The following NR4A1 variants were observed in gnomAD, a reference collection of about 807,000 sequenced individuals.
NR4A1 encodes the protein nuclear receptor subfamily 4 group A member 1, also known as nuclear receptor subfamily 4immunitygroup A member 1.
A neutral mutation model predicts 47.5 loss-of-function variants in NR4A1; 24 were observed. The ratio of observed to expected loss-of-function variants is 0.50; its 90% confidence interval spans 0.37 to 0.71. The LOEUF is 0.71. Among genes scored for constraint, NR4A1 ranks in the 30% least tolerant of loss-of-function variants. NR4A1 has a pLI of 0.00. For missense variants in NR4A1, 669 were observed against 788.6 expected (o/e 0.85, Z 1.82); for synonymous variants, 353 against 345.7 (o/e 1.02, Z -0.24).
chr12:52,042,239 C>T (rs535566176), intron 2 of NR4A1, among the ~76,000 whole-genome samples: 2 of 152,220 alleles, frequency 1.3e-5, no homozygotes, highest in Admixed American at 6.5e-5. Context: ...TGCCTGATTC[C>T]AGGAAGCAGA....
chr12:52,045,830 G>A (rs1400034168), intron 2 of NR4A1, among the ~76,000 whole-genome samples: 1 of 152,220 alleles, frequency 6.6e-6, no homozygotes. Flanking sequence ...GGCCAGGAGA[G>A]CAGAGCCTGG....
At position 52,058,679 on chromosome 12, in the gene NR4A1, T is replaced by A. The variant is rs1410184138; in HGVS notation, c.1541-9T>A. 1 of 1,590,988 alleles carries A rather than the reference T, an allele frequency of 6.3e-7. No individual in the cohort carries two copies. The highest frequency in any genetic ancestry group is 2.3e-5 in the East Asian group (1 of 43,568). ...CAGATGTACAGCTAATCCTGTACCC[T>A]TCCCGCAGACCGGCATGGGCTGCAG... On this transcript the variant is annotated splice_polypyrimidine_tract_variant and intron_variant, in intron 6 of 6. Coordinates refer to ENST00000394825, the MANE Select transcript of NR4A1 (RefSeq NM_173157.3).
chr12:52,025,424 C>T (rs1485017414), intron 1 of NR4A1, among the ~76,000 whole-genome samples: 9 of 152,092 alleles, frequency 5.9e-5, no homozygotes, highest in Non-Finnish European at 1.5e-5. Context: ...AGACTTTCCC[C>T]ATCTCAGCGC....
chr12:52,056,434 T>C (rs1401880720), intron 3 of NR4A1, 60 bp from the exon 4 acceptor site: 12 of 1,587,024 alleles, frequency 7.6e-6, no homozygotes, highest in Admixed American at 1.9e-5. Context: ...GTGCACGGCT[T>C]GGGCTGAGAG....
At chr12:52,050,496 A>T (rs918406999), upstream of NR4A1, among the ~76,000 whole-genome samples, 1 of 152,256 alleles carries the variant, frequency 6.6e-6, no homozygotes, top group Non-Finnish European at 1.5e-5. Context: ...AAGAGTTGGC[A>T]CAAGTTTGAA....
At chr12:52,048,193 G>T (rs1938743264), upstream of NR4A1, among the ~76,000 whole-genome samples, 2 of 151,974 alleles carry the variant, frequency 1.3e-5, no homozygotes, top group South Asian at 4.2e-4. Context: ...GAGCTAGCAA[G>T]GCTGAGATTG....
At chr12:52,055,831 C>G (rs762267119) in intron 2 of NR4A1, 199 bp from the exon 3 acceptor site, 1 of 470,998 alleles carries the variant, frequency 2.1e-6, no homozygotes, top group Non-Finnish European at 3.7e-6. Flanking sequence ...GAAACCTCCC[C>G]CAATGTCTTC....
At chr12:52,031,844 A>G (rs1938134123) in intron 1 of NR4A1, among the ~76,000 whole-genome samples, 1 of 148,726 alleles carries the variant, frequency 6.7e-6, no homozygotes, top group African/African-American at 2.5e-5. Context: ...CAGTGACGCA[A>G]TCTCAGCTCA....
At chr12:52,032,874 AT>A (rs904575447) in intron 1 of NR4A1, among the ~76,000 whole-genome samples, 26 of 152,086 alleles carry the variant, frequency 1.7e-4, no homozygotes, top group African/African-American at 5.6e-4. Context: ...GCTGGAACAG[AT>A]TTGGGATGGC....
upstream of NR4A1, among the ~76,000 whole-genome samples, chr12:52,050,378 G>A (rs749978521): frequency 2.0e-5 from 3 of 152,224 alleles, no homozygotes; most frequent in Non-Finnish European, 4.4e-5. Flanking sequence ...GAGATCCCTA[G>A]AGATGCAGTC....
At chr12:52,035,750 G>A (rs772079482) in intron 1 of NR4A1, among the ~76,000 whole-genome samples, 9 of 152,204 alleles carry the variant, frequency 5.9e-5, no homozygotes, top group Non-Finnish European at 1.0e-4. Flanking sequence ...AAGAATGAGA[G>A]AAAGGGAATT....
rs766651043 is a variant in NR4A1 at position 52,056,058 on chromosome 12, T to A, written c.905T>A (p.Ile302Asn). The A allele has an allele frequency of 1.5e-5, 20 of 1,364,208 alleles. No individual in the cohort carries two copies. The highest frequency in any genetic ancestry group is 1.0e-4 in the South Asian group (9 of 86,538). The allele number at this position is 1,364,208 out of a possible 1,614,324, so 84.5% of individuals were successfully genotyped here. Residue 302 changes from isoleucine (I) to asparagine (N), a missense_variant, in exon 3 of 7, where the codon ATC (isoleucine) becomes AAC (asparagine). By Grantham distance (149) the Ile-to-Asn change is moderately radical. Transcript: ENST00000394825. ...KRTVQKNAKY[I>N]CLANKDCPVD... ...ACAGTGCAGAAAAACGCCAAGTACA[T>A]CTGCCTGGCTAACAAGGACTGCCCT...
intron 1 of NR4A1, among the ~76,000 whole-genome samples, chr12:52,039,181 A>G (rs979092726): frequency 5.3e-5 from 8 of 152,244 alleles, no homozygotes; most frequent in Admixed American, 1.3e-4. Context: ...GAGAAAATGC[A>G]TGTAAAGTGC....
rs1039715178 is a variant in NR4A1, at chr12:52,051,586, A to G, written c.-3+18A>G. ...CCGGCCGGGTAGGTTCCCTTCGGGG[A>G]ACGTGCATCTGTTTTTAGGAGCGGT... On this transcript the variant is annotated intron_variant, in intron 1 of 6. Transcript: ENST00000394825. 4 of 985,568 alleles carry G rather than the reference A, an allele frequency of 4.1e-6. No homozygotes were observed. In the African/African-American group the frequency reaches 7.0e-5, roughly 17 times the overall value. The allele number at this position is 985,568 out of a possible 1,614,324, so 61.1% of individuals were successfully genotyped here. A position where few individuals can be genotyped will look rare whatever the true frequency, so the allele number is the denominator to read the frequency against.
upstream of NR4A1, among the ~76,000 whole-genome samples, chr12:52,048,528 A>G (rs1221378761): frequency 6.6e-6 from 1 of 152,120 alleles, no homozygotes; most frequent in Non-Finnish European, 1.5e-5. Flanking sequence ...CGGGAGGCGG[A>G]GCTTGCAGTG....
At position 52,056,595 on chromosome 12, in the gene NR4A1, C is replaced by T. The variant is rs762631744; in HGVS notation, c.1108C>T (p.Arg370Cys). The change falls in exon 4 of 7, where the codon CGT (arginine) becomes TGT (cysteine). Residue 370 changes from arginine (R) to cysteine (C), a missense_variant. Coordinates refer to ENST00000394825, the MANE Select transcript of NR4A1 (RefSeq NM_173157.3). ...SPANLLTSLV[R>C]AHLDSGPSTA... Reference sequence around the variant, plus strand: ...TGCCAATCTCCTCACTTCCCTGGTCCGTGCACACCTGGACTCAGGGCCCAG... The same window carrying T: ...TGCCAATCTCCTCACTTCCCTGGTCTGTGCACACCTGGACTCAGGGCCCAG... 23 of 1,613,334 alleles carry T rather than the reference C, an allele frequency of 1.4e-5. No individual in the cohort carries two copies. Among genetic ancestry groups the T allele is most frequent in the Non-Finnish European group, 1.8e-5 (21 of 1,179,772 alleles).
chr12:52,053,930 G>A (rs1592303427), intron 1 of NR4A1: 1 of 206,096 alleles, frequency 4.9e-6, no homozygotes, highest in Admixed American at 5.3e-5. Flanking sequence ...GCTTTGCTGG[G>A]CTGCCTCTCC....
chr12:52,048,593 T>TA (rs1181252354), upstream of NR4A1, among the ~76,000 whole-genome samples: 101 of 150,354 alleles, frequency 6.7e-4, 1 homozygote, highest in African/African-American at 2.3e-3. Flanking sequence ...GACTCCGTCT[T>TA]AAAAAAAAAA....
Position 52,038,060 on chromosome 12 carries a change from C to A in NR4A1, c.-83-3750C>A, listed in dbSNP as rs565056800. 3 of 982,168 alleles carry A rather than the reference C, an allele frequency of 3.1e-6. No homozygotes were observed. The East Asian group carries it at 3.4e-4, about 113-fold the overall frequency. 60.8% of individuals were successfully genotyped at this position (982,168 alleles called of 1,614,324 possible). Reference sequence around the variant, plus strand: ...CTTGACTTGGCTCATTCCCCCCCAACGCCCCCCCTTTCTTTTTTTTTTGAG... The same window carrying A: ...CTTGACTTGGCTCATTCCCCCCCAAAGCCCCCCCTTTCTTTTTTTTTTGAG... On this transcript the variant is annotated intron_variant, in intron 1 of 7. Transcript: ENST00000360284.
Sources: allele counts gnomAD v4.1 joint callset (sites outside exome capture counted in the v4.1 genomes callset), GRCh38; gene constraint gnomAD v4.1.1; transcripts MANE v1.5; gene names NCBI Gene and HGNC (gene_info 2026-07-23, HGNC 2026-07-21).